The following CCDC178 variants were observed in gnomAD, a reference collection of about 807,000 sequenced individuals.
CCDC178 encodes coiled-coil domain containing 178, also known as coiled-coil domain-containing protein 178.
Under a neutral mutation model 117.4 loss-of-function variants are expected in CCDC178, and 126 were observed. That is an observed-to-expected ratio of 1.07 (90% CI 0.93 to 1.24). The LOEUF (loss-of-function observed/expected upper bound fraction) is 1.24. Ranked by LOEUF, CCDC178 falls within the 50% of genes most tolerant of loss-of-function variation. The pLI is 0.00. For synonymous variants in CCDC178, 283 were observed against 313.4 expected (o/e 0.90, Z 1.02); for missense variants, 1,030 against 986.9 (o/e 1.04, Z -0.59).
intron 12 of CCDC178, among the ~76,000 whole-genome samples, chr18:33,288,820 C>T (rs576343724): frequency 3.5e-4 from 53 of 152,134 alleles, no homozygotes; most frequent in African/African-American, 1.2e-3. Flanking sequence ...GTCAAACAGA[C>T]ATTATATTAT....
At chr18:33,021,783 T>C (rs1290020681) in intron 21 of CCDC178, among the ~76,000 whole-genome samples, 1 of 152,194 alleles carries the variant, frequency 6.6e-6, no homozygotes, top group Non-Finnish European at 1.5e-5. Context: ...CTACTCCTAT[T>C]TGAACTTTTC....
intron 11 of CCDC178, among the ~76,000 whole-genome samples, chr18:33,308,093 G>T (rs1367179857): frequency 6.6e-6 from 1 of 152,164 alleles, no homozygotes; most frequent in Non-Finnish European, 1.5e-5. Flanking sequence ...CCAGACCCCA[G>T]AATAATAGAT....
intron 11 of CCDC178, among the ~76,000 whole-genome samples, chr18:33,296,510 A>C (rs761569381): frequency 9.2e-5 from 14 of 152,184 alleles, no homozygotes; most frequent in Non-Finnish European, 1.8e-4. Context: ...AGATACTCCC[A>C]TTGGAAGAAG....
At chr18:33,230,966 A>G (rs903093930) in intron 15 of CCDC178, among the ~76,000 whole-genome samples, 2 of 152,210 alleles carry the variant, frequency 1.3e-5, no homozygotes, top group Non-Finnish European at 2.9e-5. Flanking sequence ...CCACTTAGCA[A>G]CTGTTCCAAT....
intron 20 of CCDC178, among the ~76,000 whole-genome samples, chr18:33,139,335 T>C (rs2058168611): frequency 6.6e-6 from 1 of 152,176 alleles, no homozygotes; most frequent in Admixed American, 6.5e-5. Context: ...TGGCAGCGAC[T>C]TTGGAACTGG....
chr18:33,201,961 T>C (rs2058994125), intron 20 of CCDC178, among the ~76,000 whole-genome samples: 1 of 152,112 alleles, frequency 6.6e-6, no homozygotes, highest in Admixed American at 6.5e-5. Flanking sequence ...ATTTTCTACT[T>C]TATTTCAAGG....
chr18:33,324,515 G>A (rs1020576369), intron 10 of CCDC178, among the ~76,000 whole-genome samples: 1 of 151,926 alleles, frequency 6.6e-6, no homozygotes, highest in Non-Finnish European at 1.5e-5. Context: ...TCCAGAATAA[G>A]TGGTAACACT....
chr18:33,154,562 TATA>T (rs2058373627), intron 20 of CCDC178, among the ~76,000 whole-genome samples: 2 of 152,240 alleles, frequency 1.3e-5, no homozygotes, highest in African/African-American at 4.8e-5. Flanking sequence ...CATGTATACA[TATA>T]ATAAAACATA....
chr18:33,394,195 T>C (rs1475613619), intron 4 of CCDC178, among the ~76,000 whole-genome samples: 2 of 152,034 alleles, frequency 1.3e-5, no homozygotes, highest in African/African-American at 4.8e-5. Context: ...TTTACCATAA[T>C]TTATTGAACC....
chr18:33,167,479 A>C (rs537939463), intron 20 of CCDC178, among the ~76,000 whole-genome samples: 1 of 152,092 alleles, frequency 6.6e-6, no homozygotes, highest in Non-Finnish European at 1.5e-5. Context: ...ACAGTATTTC[A>C]TTGTGGTTTT....
chr18:33,020,625 G>C (rs2056095876), intron 21 of CCDC178, among the ~76,000 whole-genome samples: 1 of 152,112 alleles, frequency 6.6e-6, no homozygotes, highest in African/African-American at 2.4e-5. Context: ...ATCACAATGG[G>C]AATGTTTTCA....
chr18:33,423,135 T>A (rs537577789), intron 2 of CCDC178, among the ~76,000 whole-genome samples: 82 of 152,238 alleles, frequency 5.4e-4, no homozygotes, highest in African/African-American at 2.0e-3. Context: ...CATAACAGTA[T>A]AAAAATAACG....
intron 15 of CCDC178, among the ~76,000 whole-genome samples, chr18:33,229,073 T>A (rs1412137418): frequency 1.3e-5 from 2 of 152,160 alleles, no homozygotes; most frequent in Non-Finnish European, 2.9e-5. Context: ...GAGTTAAGTT[T>A]AGTGTATAGG....
intron 20 of CCDC178, among the ~76,000 whole-genome samples, chr18:33,176,160 T>C (rs2144450193): frequency 6.6e-6 from 1 of 152,310 alleles, no homozygotes; most frequent in Non-Finnish European, 1.5e-5. Context: ...CTTTTACTTA[T>C]TGTCACTCTC....
chr18:33,142,917 T>A (rs1288094643), intron 20 of CCDC178, among the ~76,000 whole-genome samples: 1 of 152,160 alleles, frequency 6.6e-6, no homozygotes, highest in Non-Finnish European at 1.5e-5. Flanking sequence ...TAGAGGGAGT[T>A]ATACAAGAAA....
intron 11 of CCDC178, among the ~76,000 whole-genome samples, chr18:33,305,212 G>T (rs2062232374): frequency 6.6e-6 from 1 of 152,172 alleles, no homozygotes; most frequent in Admixed American, 6.6e-5. Context: ...GGCATGTAAG[G>T]GTTTACAACC....
intron 15 of CCDC178, among the ~76,000 whole-genome samples, chr18:33,231,390 G>A (rs1482032544): frequency 6.6e-6 from 1 of 152,092 alleles, no homozygotes; most frequent in African/African-American, 2.4e-5. Flanking sequence ...AGACTCAAAA[G>A]TTATAACAGA....
intron 5 of CCDC178, among the ~76,000 whole-genome samples, chr18:33,384,903 A>G (rs1465135998): frequency 6.6e-6 from 1 of 152,178 alleles, no homozygotes; most frequent in East Asian, 1.9e-4. Context: ...CGCCCCAATT[A>G]AAAAACACAG....
intron 22 of CCDC178, among the ~76,000 whole-genome samples, chr18:32,970,865 T>A (rs1001867587): frequency 1.3e-5 from 2 of 152,016 alleles, no homozygotes; most frequent in African/African-American, 4.8e-5. Context: ...CAATTGTGGT[T>A]CGTGGGTATA....
Sources: gnomAD v4.1 joint callset for allele counts (sites outside exome capture counted in the v4.1 genomes callset) on GRCh38, gnomAD v4.1.1 for gene constraint, MANE v1.5 for transcripts, NCBI Gene and HGNC (gene_info 2026-07-23, HGNC 2026-07-21) for gene names.